Variants in ABCC1 observed in about 807,000 individuals in gnomAD.
ABCC1 encodes the protein ATP binding cassette subfamily C member 1 (ABCC1 blood group).
Under a neutral mutation model 172.9 loss-of-function variants are expected in ABCC1, and 83 were observed. The observed-to-expected ratio is 0.48, with a 90% CI of 0.40 to 0.58. The LOEUF is 0.58. Ranked by LOEUF, ABCC1 falls within the 20% of genes least tolerant of loss-of-function variation. ABCC1 has a pLI of 0.00. For missense variants in ABCC1, 1,817 were observed against 2,002.7 expected (o/e 0.91, Z 1.77); for synonymous variants, 937 against 825.2 (o/e 1.14, Z -2.32).
chr16:15,955,413 A>G (rs1157039845), intron 1 of ABCC1, among the ~76,000 whole-genome samples: 1 of 152,058 alleles, frequency 6.6e-6, no homozygotes, highest in Non-Finnish European at 1.5e-5. Flanking sequence ...CTTGACCCCT[A>G]CAGTCTAGTC....
intron 1 of ABCC1, among the ~76,000 whole-genome samples, chr16:15,963,885 G>T (rs2046190671): frequency 6.6e-6 from 1 of 152,078 alleles, no homozygotes; most frequent in Non-Finnish European, 1.5e-5. Flanking sequence ...TCTGCAGCCG[G>T]CTTGAATTTC....
intron 23 of ABCC1, among the ~76,000 whole-genome samples, chr16:16,120,136 A>C (rs16967727): frequency 0.027 from 4,036 of 152,060 alleles, 186 homozygotes; most frequent in African/African-American, 0.09. Flanking sequence ...GGCCTTGTAA[A>C]AGCCACCTGC....
chr16:16,051,528 C>G (rs937138408), intron 10 of ABCC1, among the ~76,000 whole-genome samples: 1 of 152,058 alleles, frequency 6.6e-6, no homozygotes, highest in African/African-American at 2.4e-5. Context: ...ACACATGGGG[C>G]GGTGTTCAAG....
chr16:16,140,153 T>C (rs1029495208), intron 30 of ABCC1, among the ~76,000 whole-genome samples: 14 of 152,142 alleles, frequency 9.2e-5, no homozygotes, highest in African/African-American at 3.1e-4. Flanking sequence ...CTTAATGAAT[T>C]TGAAGGCTAG....
chr16:15,958,787 C>T (rs138624500), intron 1 of ABCC1, among the ~76,000 whole-genome samples: 13 of 152,226 alleles, frequency 8.5e-5, no homozygotes, highest in African/African-American at 2.9e-4. Flanking sequence ...AATGGTTGAA[C>T]GGGGCCTTTG....
chr16:16,016,819 A>G (rs1306258772), intron 5 of ABCC1, among the ~76,000 whole-genome samples, 198 bp downstream of exon 5: 1 of 152,224 alleles, frequency 6.6e-6, no homozygotes, highest in Admixed American at 6.5e-5. Flanking sequence ...TGAAGGAGAG[A>G]ATCTGCTTTG....
chr16:16,005,064 T>A (rs1386231919), intron 1 of ABCC1, among the ~76,000 whole-genome samples: 1 of 135,808 alleles, frequency 7.4e-6, no homozygotes, highest in Non-Finnish European at 1.6e-5. Context: ...ATTTCTCATT[T>A]TTAACTTTTT....
At chr16:16,115,098 T>C in intron 23 of ABCC1, 22 bp downstream of exon 23, 1 of 1,609,136 alleles carries the variant, frequency 6.2e-7, no homozygotes, top group Non-Finnish European at 8.5e-7. Flanking sequence ...GGTCTTAGTG[T>C]TCGGGACAAG....
In ABCC1 at chr16:16,094,765, T is replaced by G. The variant is rs541777357; in HGVS notation, c.2644+4177T>G. Among the ~76,000 whole-genome samples the G allele has an allele frequency of 6.6e-5, 10 of 150,662 alleles. No homozygotes were observed. The South Asian group carries it at 1.5e-3, about 22-fold the overall frequency. On this transcript the variant is annotated intron_variant, in intron 19 of 30. Coordinates refer to ENST00000399410, the MANE Select transcript of ABCC1 (RefSeq NM_004996.4). ...CTCTTGACGTCATGATCCGCCCGCCTCGGCCTCCCAAAGTGCTGGGATTAC... is the reference window on the plus strand; with the variant it reads ...CTCTTGACGTCATGATCCGCCCGCCGCGGCCTCCCAAAGTGCTGGGATTAC...
At chr16:16,132,273 GCAGCCTCCCAAGTGGGGGGACTA>G (rs1268828592) in intron 27 of ABCC1, among the ~76,000 whole-genome samples, 1 of 151,994 alleles carries the variant, frequency 6.6e-6, no homozygotes, top group Non-Finnish European at 1.5e-5. Context: ...CACTGCAGCG[GCAGCCTCCCAAGTGGGGGGACTA>G]CACATGGTTG....
chr16:15,960,958 A>G (rs917684114), intron 1 of ABCC1, among the ~76,000 whole-genome samples: 17 of 151,842 alleles, frequency 1.1e-4, no homozygotes, highest in African/African-American at 4.1e-4. Context: ...CCCTGGCAGA[A>G]GCAAGAACCT....
chr16:15,955,942 T>C (rs557800006), intron 1 of ABCC1, among the ~76,000 whole-genome samples: 2 of 152,264 alleles, frequency 1.3e-5, no homozygotes, highest in Admixed American at 6.5e-5. Context: ...GGAGTGCTGA[T>C]GCCCCATGTA....
intron 23 of ABCC1, among the ~76,000 whole-genome samples, chr16:16,118,388 T>C (rs2044992362): frequency 6.7e-6 from 1 of 149,810 alleles, no homozygotes; most frequent in African/African-American, 2.5e-5. Flanking sequence ...GTCCAGTTCC[T>C]GGAGTCTCGT....
intron 23 of ABCC1, among the ~76,000 whole-genome samples, chr16:16,116,085 C>T (rs1405196677): frequency 2.6e-5 from 4 of 151,746 alleles, no homozygotes; most frequent in African/African-American, 9.7e-5. Context: ...TTTGTATTTT[C>T]AGTAGAGACA....
intron 11 of ABCC1, 52 bp downstream of exon 11, chr16:16,052,868 C>A (rs1596426542): frequency 1.3e-6 from 2 of 1,559,076 alleles, no homozygotes; most frequent in South Asian, 2.2e-5. Flanking sequence ...GCAGAGGCCT[C>A]TCCATGAGGA....
chr16:15,949,940 G>A, intron 1 of ABCC1, 141 bp downstream of exon 1: 1 of 671,876 alleles, frequency 1.5e-6, no homozygotes, highest in Non-Finnish European at 2.0e-6. Context: ...CACGTCGCCC[G>A]CGGCCCAGCC....
At chr16:16,125,573 T>C (rs1430358333) in intron 25 of ABCC1, among the ~76,000 whole-genome samples, 2 of 151,990 alleles carry the variant, frequency 1.3e-5, no homozygotes, top group Admixed American at 1.3e-4. Flanking sequence ...GGTTTACAGG[T>C]GTGCGTCACC....
intron 3 of ABCC1, 69 bp downstream of exon 3, chr16:16,009,970 G>C: frequency 8.0e-7 from 1 of 1,244,234 alleles, no homozygotes; most frequent in Non-Finnish European, 1.0e-6. Context: ...GTAATAACTC[G>C]TAAGACTAGA....
Position 16,092,260 on chromosome 16 carries a change from CA to C in ABCC1, c.2644+1677del, listed in dbSNP as rs761152738. Among the ~76,000 whole-genome samples, 105 of 151,908 alleles carry C rather than the reference CA, an allele frequency of 6.9e-4. 1 individual carries two copies. The highest frequency in any genetic ancestry group is 1.3e-3 in the Non-Finnish European group (90 of 67,898). On this transcript the variant is annotated intron_variant, in intron 19 of 30. Coordinates refer to ENST00000399410, the MANE Select transcript of ABCC1 (RefSeq NM_004996.4). The stretch of plus-strand genomic sequence containing the variant: ...CTCAGAAAAACAAAACAAAACAAAA[CA>C]AAAATTCATACAACATACAATTAAC...
Sources: gnomAD v4.1 joint callset for allele counts (sites outside exome capture counted in the v4.1 genomes callset) on GRCh38, gnomAD v4.1.1 for gene constraint, MANE v1.5 for transcripts, NCBI Gene and HGNC (gene_info 2026-07-23, HGNC 2026-07-21) for gene names.